ANKDD1A: variants seen among roughly 807,000 people sequenced by gnomAD.
The protein encoded by ANKDD1A is ankyrin repeat and death domain-containing protein 1A.
In ANKDD1A, 59 loss-of-function variants were observed where a neutral mutation model predicts 63.5. The ratio of observed to expected loss-of-function variants is 0.93; its 90% CI spans 0.75 to 1.15. ANKDD1A has a LOEUF of 1.15. Ranked by LOEUF, ANKDD1A falls within the 50% of genes most tolerant of loss-of-function variation. The probability of loss-of-function intolerance (pLI) is 0.00; values close to 1 mark genes in which losing one functional copy is unlikely to be tolerated. For missense variants in ANKDD1A, 632 were observed against 656.4 expected, an observed-to-expected ratio of 0.96 and a Z score of 0.41; for synonymous variants, 266 against 263.9, an observed-to-expected ratio of 1.01 and a Z score of -0.08.
intron 14 of ANKDD1A, among the ~76,000 whole-genome samples, chr15:64,954,652 C>T (rs187757363): frequency 2.8e-5 from 4 of 142,780 alleles, no homozygotes; most frequent in African/African-American, 1.0e-4. Flanking sequence ...CCTTCTTCTT[C>T]TCCTTCTTTC....
chr15:64,926,981 C>T lies in ANKDD1A; in HGVS notation c.552C>T (p.Asp184=), dbSNP rs769594085. 1.9e-6 allele frequency: 3 copies of T among 1,614,122 alleles called. No homozygotes were observed. Among genetic ancestry groups the T allele is most frequent in the South Asian group, 1.1e-5 (1 of 91,084 alleles). ...ALDFLVGSGC[D]HNVKDKEGNT... Reference sequence around the variant, plus strand: ...ACTTCCTCGTGGGCTCTGGCTGTGACCACAATGTCAAAGACAAGGTACCGT... The same window carrying T: ...ACTTCCTCGTGGGCTCTGGCTGTGATCACAATGTCAAAGACAAGGTACCGT... Residue 184 remains aspartate, a synonymous_variant, in exon 6 of 15, where the codon GAC becomes GAT. Coordinates refer to ENST00000319580, the MANE Select transcript of ANKDD1A (RefSeq NM_182703.6).
At chr15:64,940,093 C>G (rs1469629424) in intron 9 of ANKDD1A, among the ~76,000 whole-genome samples, 1 of 149,962 alleles carries the variant, frequency 6.7e-6, no homozygotes, top group Non-Finnish European at 1.5e-5. Context: ...AATCACATAT[C>G]TTATAAAGGC....
At chr15:64,952,875 T>TC (rs1566917113) in intron 14 of ANKDD1A, among the ~76,000 whole-genome samples, 2 of 114,074 alleles carry the variant, frequency 1.8e-5, no homozygotes, top group Non-Finnish European at 3.8e-5. Context: ...TTTCTTCTCT[T>TC]TCTTCTTCTC....
At chr15:64,954,487 C>T (rs2085387550) in intron 14 of ANKDD1A, among the ~76,000 whole-genome samples, 1 of 139,464 alleles carries the variant, frequency 7.2e-6, no homozygotes, top group Non-Finnish European at 1.5e-5. Context: ...TTTTCTTCTT[C>T]CTTCTCCTTC....
At position 64,945,709 on chromosome 15, in the gene ANKDD1A, C is replaced by T. The variant is rs185451300; in HGVS notation, c.1161+962C>T. ...GTGCAGTGGTGCGATCTCAGCTTGC[C>T]GCAACCTCTGCCTACTGGGTTCAAG... On this transcript the variant is annotated intron_variant, in intron 12 of 14. Transcript: ENST00000319580. 2.6e-3 allele frequency among the ~76,000 whole-genome samples: 376 copies of T among 146,648 alleles called. 2 individuals are homozygous for T. The highest frequency in any genetic ancestry group is 9.2e-3 in the African/African-American group (363 of 39,642).
rs905407381 is a variant in ANKDD1A at position 64,930,886 on chromosome 15, T to C, written c.635T>C (p.Val212Ala). The C allele has an allele frequency of 3.7e-6, 6 of 1,612,794 alleles. No homozygotes were observed. The highest frequency in any genetic ancestry group is 1.3e-5 in the African/African-American group (1 of 74,912). Reference sequence around the variant, plus strand: ...CATATGGCTGTGCTGCAGCGACTTGTGGACATCGGGCTGGACCTGGAGGAG... The same window carrying C: ...CATATGGCTGTGCTGCAGCGACTTGCGGACATCGGGCTGGACCTGGAGGAG... The part of the protein sequence containing the change: ...RGHMAVLQRL[V>A]DIGLDLEEQN... Residue 212 changes from valine (V) to alanine (A), a missense_variant, in exon 7 of 15, where the codon GTG becomes GCG. Val to Ala is a moderately conservative substitution (Grantham distance 64). Transcript: ENST00000319580.
At position 64,949,991 on chromosome 15, in the gene ANKDD1A, G is replaced by C; in HGVS notation, c.1483+19G>C. On this transcript the variant is annotated intron_variant, in intron 14 of 14. Transcript: ENST00000319580. ...CTGGCTGGTAAGAGCGTACTCTGCT[G>C]GGCTGCTTCTCAGGAGCTGGGTGGC... 2 of 1,605,152 alleles carry C rather than the reference G, an allele frequency of 1.2e-6. No individual in the cohort carries two copies. Among genetic ancestry groups the C allele is most frequent in the South Asian group, 2.2e-5 (2 of 90,986 alleles).
Position 64,958,404 on chromosome 15 carries a change from T to C in ANKDD1A, c.*1216T>C, listed in dbSNP as rs999418637. The C allele has an allele frequency of 5.3e-5, 8 of 151,676 alleles. No homozygotes were observed. The highest frequency in any genetic ancestry group is 2.0e-4 in the African/African-American group (8 of 40,946). 9.4% of individuals were successfully genotyped at this position (151,676 alleles called of 1,614,324 possible). On this transcript the variant is annotated 3_prime_UTR_variant, in exon 15 of 15. Coordinates refer to ENST00000319580, the MANE Select transcript of ANKDD1A (RefSeq NM_182703.6). ...GCCAGATGTTAATAATCGGGGAAAC[T>C]GTGTGTGCTGAAGAGTACGTGGGAG...
At chr15:64,943,991 T>C (rs545535269) in intron 11 of ANKDD1A, among the ~76,000 whole-genome samples, 7 of 152,276 alleles carry the variant, frequency 4.6e-5, no homozygotes, top group Admixed American at 6.5e-5. Context: ...GTGCTAGTGG[T>C]CTCAGAAGAG....
chr15:64,913,538 C>T lies in ANKDD1A; in HGVS notation c.34+1574C>T, dbSNP rs560548852. ...CACTCCTGTTTTGCAGATGAGGAAA[C>T]TGCCTAACACAGCTAGGAAGTGGTT... is the stretch of plus-strand genomic sequence containing the variant. On this transcript the variant is annotated intron_variant, in intron 1 of 14. Coordinates refer to ENST00000319580, the MANE Select transcript of ANKDD1A (RefSeq NM_182703.6). Among the ~76,000 whole-genome samples, 3 of 152,250 alleles carry T rather than the reference C, an allele frequency of 2.0e-5. No individual in the cohort carries two copies. In the South Asian group the frequency reaches 6.2e-4, roughly 32 times the overall value.
intron 2 of ANKDD1A, among the ~76,000 whole-genome samples, chr15:64,916,672 C>T (rs2084970196): frequency 6.6e-6 from 1 of 152,152 alleles, no homozygotes; most frequent in Non-Finnish European, 1.5e-5. Flanking sequence ...ATATTTCAGG[C>T]AGAGGGAATA....
chr15:64,912,441 T>G (rs572024023), intron 1 of ANKDD1A, among the ~76,000 whole-genome samples: 1 of 152,308 alleles, frequency 6.6e-6, no homozygotes, highest in East Asian at 1.9e-4. Flanking sequence ...CCCGGAATGC[T>G]GGGGCTGGAT....
chr15:64,917,295 G>A, intron 2 of ANKDD1A, 91 bp from the exon 3 acceptor site: 1 of 1,451,646 alleles, frequency 6.9e-7, no homozygotes, highest in East Asian at 2.5e-5. Flanking sequence ...CTTCCAGCCT[G>A]CAGACCAGCT....
chr15:64,925,227 CAA>C (rs769786433), intron 4 of ANKDD1A, among the ~76,000 whole-genome samples: 19 of 42,610 alleles, frequency 4.5e-4, no homozygotes, highest in African/African-American at 1.1e-3. Context: ...GACTCCGACT[CAA>C]AAAAAAAAAA....
rs746024354 is a variant in ANKDD1A at position 64,942,449 on chromosome 15, G to A, written c.868-18G>A. On this transcript the variant is annotated intron_variant, in intron 9 of 14. Coordinates refer to ENST00000319580, the MANE Select transcript of ANKDD1A (RefSeq NM_182703.6). ...CTGGGAGGGACTGGTCGATTGATCCGTGTATCTCCTCCCACAGCAGGGTGC... is the reference window on the plus strand; with the variant it reads ...CTGGGAGGGACTGGTCGATTGATCCATGTATCTCCTCCCACAGCAGGGTGC... 22 of 1,595,858 alleles carry A rather than the reference G, an allele frequency of 1.4e-5. No individual in the cohort carries two copies. Among genetic ancestry groups the A allele is most frequent in the African/African-American group, 5.4e-5 (4 of 74,394 alleles).
At chr15:64,953,741 CTTT>C (rs1189664897) in intron 14 of ANKDD1A, among the ~76,000 whole-genome samples, 4 of 134,124 alleles carry the variant, frequency 3.0e-5, no homozygotes, top group African/African-American at 1.1e-4. Flanking sequence ...CCTCCTTCTT[CTTT>C]CCTCTTTTCT....
rs958315299 is a variant in ANKDD1A at position 64,943,651 on chromosome 15, G to A, written c.1065+69G>A. Reference sequence around the variant, plus strand: ...CCCCCCTTGCCAGAGACCCTGCTACGAATGCCCCCTCCCTCCTCCTTCTCA... The same window carrying A: ...CCCCCCTTGCCAGAGACCCTGCTACAAATGCCCCCTCCCTCCTCCTTCTCA... On this transcript the variant is annotated intron_variant, in intron 11 of 14. Coordinates refer to ENST00000319580, the MANE Select transcript of ANKDD1A (RefSeq NM_182703.6). The A allele has an allele frequency of 4.4e-5, 59 of 1,350,942 alleles. 1 individual carries two copies. Among genetic ancestry groups the A allele is most frequent in the Middle Eastern group, 1.8e-4 (1 of 5,428 alleles). 83.7% of individuals were successfully genotyped at this position (1,350,942 alleles called of 1,614,324 possible).
At chr15:64,941,753 G>A (rs540561304) in intron 9 of ANKDD1A, among the ~76,000 whole-genome samples, 38 of 152,248 alleles carry the variant, frequency 2.5e-4, no homozygotes, top group African/African-American at 8.7e-4. Flanking sequence ...CACCTAGAGA[G>A]GGGGGAGTAT....
rs1178833899 is a variant in ANKDD1A, at chr15:64,956,236, TTTTTTTC to T, written c.1484-860_1484-854del. ...TGTATTTTTTTCTTTGGATTCCTTT[TTTTTTTC>T]TTTTTTTTTGAAACAGTTTAGCTTG... On this transcript the variant is annotated intron_variant, in intron 14 of 14. Coordinates refer to ENST00000319580, the MANE Select transcript of ANKDD1A (RefSeq NM_182703.6). Among the ~76,000 whole-genome samples, 617 of 101,364 alleles carry T rather than the reference TTTTTTTC, an allele frequency of 6.1e-3. 1 individual carries two copies. Among genetic ancestry groups the T allele is most frequent in the East Asian group, 0.029 (38 of 1,294 alleles). 66.5% of individuals were successfully genotyped at this position (101,364 alleles called of 152,430 possible).
Sources: gnomAD v4.1 joint callset for allele counts (sites outside exome capture counted in the v4.1 genomes callset) on GRCh38, gnomAD v4.1.1 for gene constraint, MANE v1.5 for transcripts, NCBI Gene and HGNC (gene_info 2026-07-23, HGNC 2026-07-21) for gene names.